Variants in PDE4D observed in about 807,000 individuals in gnomAD.
The protein encoded by PDE4D is 3',5'-cyclic-AMP phosphodiesterase 4D.
In PDE4D, 24 loss-of-function variants were observed where a neutral mutation model predicts 87.4. The observed-to-expected ratio is 0.27, with a 90% CI of 0.20 to 0.39. The LOEUF (loss-of-function observed/expected upper bound fraction) is 0.39, where lower values mean the gene tolerates loss of function less well. Ranked by LOEUF, PDE4D falls within the 10% of genes least tolerant of loss-of-function variation. PDE4D has a pLI of 1.00. For synonymous variants in PDE4D, 384 were observed against 383.2 expected, an observed-to-expected ratio of 1.00 and a Z score of -0.02; for missense variants, 714 against 1,041.0, an observed-to-expected ratio of 0.69 and a Z score of 4.32.
intron 1 of PDE4D, among the ~76,000 whole-genome samples, chr5:59,232,363 G>A (rs1339523071): frequency 2.0e-5 from 3 of 151,818 alleles, no homozygotes; most frequent in Non-Finnish European, 4.4e-5. Context: ...ATCAAAAAGT[G>A]GACAAAGGAC....
At chr5:59,760,568 C>T (rs1761846001) in intron 1 of PDE4D, among the ~76,000 whole-genome samples, 1 of 152,122 alleles carries the variant, frequency 6.6e-6, no homozygotes, top group Non-Finnish European at 1.5e-5. Context: ...TATAAATTGA[C>T]AATGTTTTCA....
intron 6 of PDE4D, among the ~76,000 whole-genome samples, chr5:59,019,870 GCTATCTATCTATCTATCTATCTAT>G (rs70973175): frequency 4.7e-5 from 7 of 150,042 alleles, no homozygotes; most frequent in East Asian, 2.0e-4. Context: ...TATATGTTTC[GCTATCTATCTATCTATCTATCTAT>G]CTATCTATCT....
At chr5:59,471,392 T>C (rs1193415561) in intron 1 of PDE4D, among the ~76,000 whole-genome samples, 2 of 152,178 alleles carry the variant, frequency 1.3e-5, no homozygotes, top group African/African-American at 4.8e-5. Flanking sequence ...GAAGATTAAA[T>C]CAAAAAAGCT....
chr5:59,509,361 T>C (rs568964989), intron 1 of PDE4D, among the ~76,000 whole-genome samples: 3 of 151,194 alleles, frequency 2.0e-5, no homozygotes, highest in Non-Finnish European at 4.4e-5. Context: ...TTCCCTACTA[T>C]TGGAGAGTCA....
intron 1 of PDE4D, among the ~76,000 whole-genome samples, chr5:59,309,833 C>T (rs148971343): frequency 3.3e-5 from 5 of 152,228 alleles, no homozygotes; most frequent in Admixed American, 3.3e-4. Flanking sequence ...CAATAAGAAC[C>T]AAAGACTGTG....
intron 1 of PDE4D, among the ~76,000 whole-genome samples, chr5:59,255,515 G>A (rs1369119060): frequency 1.3e-5 from 2 of 152,010 alleles, no homozygotes; most frequent in African/African-American, 4.8e-5. Flanking sequence ...ATTGATTTTG[G>A]TGACGGTTGC....
intron 3 of PDE4D, among the ~76,000 whole-genome samples, chr5:59,975,167 T>C (rs1018121698): frequency 6.6e-6 from 1 of 152,174 alleles, no homozygotes; most frequent in African/African-American, 2.4e-5. Flanking sequence ...AGTTTCTCAT[T>C]CACTGAAAAC....
At chr5:59,538,330 T>C (rs1583033900) in intron 1 of PDE4D, among the ~76,000 whole-genome samples, 4 of 152,180 alleles carry the variant, frequency 2.6e-5, no homozygotes, top group Admixed American at 1.3e-4. Context: ...CCACAGTTTA[T>C]TGGACATCTC....
intron 1 of PDE4D, among the ~76,000 whole-genome samples, chr5:59,542,803 T>C (rs1167311518): frequency 6.6e-6 from 1 of 152,168 alleles, no homozygotes; most frequent in Non-Finnish European, 1.5e-5. Flanking sequence ...TGAAATTTAG[T>C]ATACAGTATG....
chr5:59,988,728 A>T, intron 2 of PDE4D: 1 of 1,496,530 alleles, frequency 6.7e-7, no homozygotes, highest in Admixed American at 1.7e-5. Flanking sequence ...CTGAGGTAAT[A>T]ATTCAAGAAA....
intron 1 of PDE4D, among the ~76,000 whole-genome samples, chr5:60,467,763 T>G (rs1208879169): frequency 1.3e-5 from 2 of 152,078 alleles, no homozygotes; most frequent in Non-Finnish European, 2.9e-5. Flanking sequence ...AACTTATGAT[T>G]GTGATGGAAG....
At chr5:59,282,739 T>C (rs1192138926) in intron 1 of PDE4D, among the ~76,000 whole-genome samples, 1 of 151,656 alleles carries the variant, frequency 6.6e-6, no homozygotes, top group Non-Finnish European at 1.5e-5. Flanking sequence ...GTTTCTGATG[T>C]AATGGGAAAT....
intron 1 of PDE4D, among the ~76,000 whole-genome samples, chr5:59,233,538 G>A (rs1412103165): frequency 1.3e-5 from 2 of 152,112 alleles, no homozygotes; most frequent in African/African-American, 4.8e-5. Flanking sequence ...TGGCAATGTC[G>A]TAGGTTGAAT....
At chr5:60,484,068 G>T (rs7703881) in intron 1 of PDE4D, among the ~76,000 whole-genome samples, 5,835 of 151,952 alleles carry the variant, frequency 0.038, 280 homozygotes, top group African/African-American at 0.11. Context: ...TCATTCAGAA[G>T]GTCATTTTGA....
intron 2 of PDE4D, among the ~76,000 whole-genome samples, chr5:60,177,097 T>C (rs940105415): frequency 1.3e-5 from 2 of 152,154 alleles, no homozygotes; most frequent in South Asian, 2.1e-4. Flanking sequence ...TTTCCCATTA[T>C]GTCCAGGACT....
intron 2 of PDE4D, among the ~76,000 whole-genome samples, chr5:60,018,601 T>C (rs1050047268): frequency 6.6e-6 from 1 of 152,262 alleles, no homozygotes; most frequent in African/African-American, 2.4e-5. Flanking sequence ...ACTCATCTCA[T>C]GTGCAAAGAT....
intron 3 of PDE4D, among the ~76,000 whole-genome samples, chr5:59,969,141 T>C (rs1760415148): frequency 1.3e-5 from 2 of 152,212 alleles, no homozygotes; most frequent in African/African-American, 4.8e-5. Flanking sequence ...GAAATATTAC[T>C]GCATGTGCAA....
chr5:59,038,827 G>A, intron 6 of PDE4D, 32 bp downstream of exon 6: 1 of 1,450,166 alleles, frequency 6.9e-7, no homozygotes, highest in South Asian at 1.5e-5. Context: ...CAGCAGCCTG[G>A]GGGCACCAGT....
At chr5:60,032,828 T>C (rs888581952) in intron 2 of PDE4D, 7 of 152,196 alleles carry the variant, frequency 4.6e-5, no homozygotes, top group African/African-American at 7.2e-5. Context: ...TTGTGAAACT[T>C]TACCACTGTT....
Sources: allele counts gnomAD v4.1 joint callset (sites outside exome capture counted in the v4.1 genomes callset), GRCh38; gene constraint gnomAD v4.1.1; transcripts MANE v1.5; gene names NCBI Gene and HGNC (gene_info 2026-07-23, HGNC 2026-07-21).